Variants in PDE1A observed in about 807,000 individuals in gnomAD.
The protein encoded by PDE1A is phosphodiesterase 1A, also known as dual specificity calcium/calmodulin-dependent 3',5'-cyclic nucleotide phosphodiesterase 1A.
A neutral mutation model predicts 61.7 loss-of-function variants in PDE1A; 35 were observed. The observed-to-expected ratio is 0.57, with a 90% CI of 0.43 to 0.75. The LOEUF (loss-of-function observed/expected upper bound fraction) is 0.75, where lower values mean the gene tolerates loss of function less well. Among genes scored for constraint, PDE1A ranks in the 30% least tolerant of loss-of-function variants. PDE1A has a pLI of 0.00. For synonymous variants in PDE1A, 232 were observed against 213.2 expected, an observed-to-expected ratio of 1.09 and a Z score of -0.77; for missense variants, 597 against 630.6, an observed-to-expected ratio of 0.95 and a Z score of 0.57.
chr2:182,340,218 T>A (rs1277459958), intron 1 of PDE1A, among the ~76,000 whole-genome samples: 1 of 152,256 alleles, frequency 6.6e-6, no homozygotes, highest in Non-Finnish European at 1.5e-5. Context: ...ACTGTACTTC[T>A]ATTTGCTTTC....
the PDE1A span, among the ~76,000 whole-genome samples, chr2:182,626,724 T>TATATATATATAC: frequency 7.6e-5 from 1 of 13,104 alleles, no homozygotes; most frequent in Non-Finnish European, 2.8e-4. Flanking sequence ...GCTTTATATA[T>TATATATATATAC]ATATATATAT....
chr2:182,328,060 G>A (rs774088831), intron 1 of PDE1A, among the ~76,000 whole-genome samples: 4 of 152,140 alleles, frequency 2.6e-5, no homozygotes, highest in Admixed American at 6.5e-5. Context: ...GTAGATGTGC[G>A]GGAAATGTCT....
At chr2:182,381,577 G>T (rs57452497) in intron 1 of PDE1A, among the ~76,000 whole-genome samples, 27,723 of 152,092 alleles carry the variant, frequency 0.18, 3,264 homozygotes, top group East Asian at 0.45. Flanking sequence ...ACTTTGGGAG[G>T]CGGAGGCGAG....
At chr2:182,515,161 T>C (rs183704258) in intron 2 of PDE1A, among the ~76,000 whole-genome samples, 1 of 152,298 alleles carries the variant, frequency 6.6e-6, no homozygotes, top group East Asian at 1.9e-4. Flanking sequence ...AAAAATAACC[T>C]AAAAGAAGTC....
intron 1 of PDE1A, among the ~76,000 whole-genome samples, chr2:182,382,254 T>C (rs1264968533): frequency 6.6e-6 from 1 of 152,046 alleles, no homozygotes; most frequent in Non-Finnish European, 1.5e-5. Context: ...CCTTGAACAG[T>C]GATATAAGAA....
chr2:182,639,507 G>T, the PDE1A span, among the ~76,000 whole-genome samples: 3 of 152,288 alleles, frequency 2.0e-5, no homozygotes, highest in Middle Eastern at 0.01. Context: ...GGCAGAGGTT[G>T]CAGTGAGCCA....
At chr2:182,583,005 T>G in the PDE1A span, among the ~76,000 whole-genome samples, 2 of 152,200 alleles carry the variant, frequency 1.3e-5, no homozygotes, top group South Asian at 4.1e-4. Flanking sequence ...AACTACAGCA[T>G]AGCCCCAGAG....
intron 1 of PDE1A, among the ~76,000 whole-genome samples, chr2:182,405,914 A>C (rs906427473): frequency 3.3e-5 from 5 of 152,096 alleles, no homozygotes; most frequent in African/African-American, 1.2e-4. Context: ...AAAAGTAAAA[A>C]TAATTTTTAA....
At chr2:182,700,605 C>T in the PDE1A span, among the ~76,000 whole-genome samples, 5 of 151,402 alleles carry the variant, frequency 3.3e-5, no homozygotes, top group Non-Finnish European at 4.4e-5. Flanking sequence ...ACCTGTAATC[C>T]CAGCTACTTG....
intron 1 of PDE1A, among the ~76,000 whole-genome samples, chr2:182,278,762 T>C (rs1310155953): frequency 6.6e-6 from 1 of 152,006 alleles, no homozygotes; most frequent in African/African-American, 2.4e-5. Context: ...TTCAACCCTG[T>C]TCTCTATAGT....
At chr2:182,696,898 T>C in the PDE1A span, among the ~76,000 whole-genome samples, 1 of 152,224 alleles carries the variant, frequency 6.6e-6, no homozygotes, top group Non-Finnish European at 1.5e-5. Context: ...ATCATATAAC[T>C]ATATAACAAT....
chr2:182,571,506 T>C, the PDE1A span, among the ~76,000 whole-genome samples: 1 of 152,102 alleles, frequency 6.6e-6, no homozygotes, highest in Non-Finnish European at 1.5e-5. Flanking sequence ...TCATGAATTA[T>C]AAGGAAGCTG....
the PDE1A span, among the ~76,000 whole-genome samples, chr2:182,537,283 T>C: frequency 7.2e-4 from 110 of 152,202 alleles, 2 homozygotes; most frequent in African/African-American, 2.6e-3. Context: ...AGAAAGAAAA[T>C]GTGGCACATA....
the PDE1A span, among the ~76,000 whole-genome samples, chr2:182,688,973 G>A: frequency 6.6e-6 from 1 of 152,148 alleles, no homozygotes; most frequent in Non-Finnish European, 1.5e-5. Flanking sequence ...AACAAGAAGA[G>A]CTAACTACCC....
At chr2:182,564,450 G>A in the PDE1A span, among the ~76,000 whole-genome samples, 1 of 152,144 alleles carries the variant, frequency 6.6e-6, no homozygotes, top group Non-Finnish European at 1.5e-5. Flanking sequence ...GCTTCCCTTT[G>A]TGGGTAACCC....
chr2:182,273,985 C>A (rs140833132), intron 1 of PDE1A, among the ~76,000 whole-genome samples: 44 of 152,182 alleles, frequency 2.9e-4, no homozygotes, highest in African/African-American at 9.1e-4. Flanking sequence ...AAATCCCTGA[C>A]CGAGGTGTTG....
At chr2:182,676,569 G>A in the PDE1A span, among the ~76,000 whole-genome samples, 3 of 152,202 alleles carry the variant, frequency 2.0e-5, no homozygotes, top group African/African-American at 7.2e-5. Flanking sequence ...TCACTGGGAG[G>A]CCAGCATCAT....
the PDE1A span, among the ~76,000 whole-genome samples, chr2:182,679,764 C>T: frequency 6.6e-6 from 1 of 152,064 alleles, no homozygotes; most frequent in Non-Finnish European, 1.5e-5. Context: ...TGTGTTAATT[C>T]ACAGATCTAA....
At chr2:182,145,215 G>A (rs2125258209), downstream of PDE1A, among the ~76,000 whole-genome samples, 1 of 152,302 alleles carries the variant, frequency 6.6e-6, no homozygotes, top group East Asian at 1.9e-4. Flanking sequence ...CAACTCAGTT[G>A]CAGCAGAATT....
Sources: gnomAD v4.1 joint callset for allele counts (sites outside exome capture counted in the v4.1 genomes callset) on GRCh38, gnomAD v4.1.1 for gene constraint, MANE v1.5 for transcripts, NCBI Gene and HGNC (gene_info 2026-07-23, HGNC 2026-07-21) for gene names.